The following RIPOR2 variants were observed in gnomAD, a reference collection of about 807,000 sequenced individuals.
The protein encoded by RIPOR2 is rho family-interacting cell polarization regulator 2.
RIPOR2 carries 39 observed loss-of-function variants against 114.5 expected under a neutral mutation model. The observed-to-expected ratio is 0.34, with a 90% CI of 0.26 to 0.44. The LOEUF (loss-of-function observed/expected upper bound fraction) is 0.44. Among genes scored for constraint, RIPOR2 ranks in the 20% least tolerant of loss-of-function variants. RIPOR2 has a pLI of 1.00. For missense variants in RIPOR2, 1,007 were observed against 1,255.1 expected (o/e 0.80, Z 2.99); for synonymous variants, 445 against 484.4 (o/e 0.92, Z 1.07).
chr6:24,896,363 T>C (rs1411263045), intron 1 of RIPOR2, among the ~76,000 whole-genome samples: 1 of 152,226 alleles, frequency 6.6e-6, no homozygotes. Context: ...TTGCTGTTCT[T>C]GTTACAGCGA....
intron 1 of RIPOR2, among the ~76,000 whole-genome samples, chr6:24,879,543 A>G (rs1352855174): frequency 2.6e-5 from 4 of 152,214 alleles, no homozygotes; most frequent in Admixed American, 2.0e-4. Flanking sequence ...CTAAAAGGTG[A>G]CACATGGCCT....
intron 1 of RIPOR2, among the ~76,000 whole-genome samples, chr6:24,886,905 T>G (rs1488526508): frequency 6.6e-6 from 1 of 152,224 alleles, no homozygotes; most frequent in Non-Finnish European, 1.5e-5. Context: ...CCCAAATCAA[T>G]TATTCCTATA....
intron 1 of RIPOR2, among the ~76,000 whole-genome samples, chr6:24,888,817 A>G (rs745919161): frequency 4.6e-5 from 7 of 152,218 alleles, no homozygotes; most frequent in Non-Finnish European, 7.3e-5. Context: ...CCTAACAAGT[A>G]AATTGAATTG....
At chr6:24,890,333 A>G (rs983712336) in intron 1 of RIPOR2, among the ~76,000 whole-genome samples, 2 of 152,240 alleles carry the variant, frequency 1.3e-5, no homozygotes, top group African/African-American at 4.8e-5. Context: ...AAAAAATAAA[A>G]TCATGTCTTT....
intron 1 of RIPOR2, among the ~76,000 whole-genome samples, chr6:25,031,657 TGATA>T (rs1221071994): frequency 1.4e-4 from 18 of 130,192 alleles, no homozygotes; most frequent in Middle Eastern, 4.8e-3. Context: ...ATCAAAGGAT[TGATA>T]GATAGGTATA....
chr6:24,879,177 T>C (rs1766106281), intron 1 of RIPOR2, among the ~76,000 whole-genome samples: 1 of 151,300 alleles, frequency 6.6e-6, no homozygotes, highest in African/African-American at 2.4e-5. Context: ...CCATCTCTAC[T>C]GAAAATACAA....
At chr6:25,014,136 C>T (rs1486339061) in intron 1 of RIPOR2, among the ~76,000 whole-genome samples, 1 of 152,160 alleles carries the variant, frequency 6.6e-6, no homozygotes, top group African/African-American at 2.4e-5. Flanking sequence ...GAATTTTAGG[C>T]CTGGAGCAGA....
At chr6:24,904,900 G>C (rs866875505) in intron 1 of RIPOR2, among the ~76,000 whole-genome samples, 9 of 152,128 alleles carry the variant, frequency 5.9e-5, no homozygotes, top group African/African-American at 2.2e-4. Context: ...TCAGCCTCCT[G>C]AGTAGCTGGG....
Position 24,847,607 on chromosome 6 carries a change from G to A in RIPOR2, c.1164+418C>T, listed in dbSNP as rs866169985. ...GGCAGGTCACTGAAGGAGCGGCTGC[G>A]GTGCAGCTTGGCAAAGAAAGTGTCT... On this transcript the variant is annotated intron_variant, in intron 12 of 21. Transcript: ENST00000643898. 74 of 1,551,522 alleles carry A rather than the reference G, an allele frequency of 4.8e-5. No individual in the cohort carries two copies. The highest frequency in any genetic ancestry group is 5.9e-5 in the Non-Finnish European group (68 of 1,146,972).
intron 1 of RIPOR2, chr6:25,015,442 G>C (rs1368069900): frequency 6.6e-6 from 1 of 152,236 alleles, no homozygotes; most frequent in Non-Finnish European, 1.5e-5. Context: ...GAGGTGAAGG[G>C]AAGAGCAGCA....
chr6:24,838,071 C>G (rs1005841253), intron 14 of RIPOR2, among the ~76,000 whole-genome samples: 2 of 152,102 alleles, frequency 1.3e-5, no homozygotes, highest in South Asian at 2.1e-4. Flanking sequence ...AATTTGGACC[C>G]CAGGCTCTAG....
intron 15 of RIPOR2, among the ~76,000 whole-genome samples, chr6:24,834,707 T>C (rs1182251509): frequency 2.0e-5 from 3 of 152,108 alleles, no homozygotes; most frequent in African/African-American, 4.8e-5. Context: ...CACTGCAACC[T>C]CTGCCTCCTA....
chr6:25,030,419 G>A (rs868244683), intron 1 of RIPOR2, among the ~76,000 whole-genome samples: 1 of 152,128 alleles, frequency 6.6e-6, no homozygotes. Flanking sequence ...GAATTGGGGT[G>A]CCCCAGAACT....
At chr6:24,978,274 T>G (rs1390075989) in intron 1 of RIPOR2, among the ~76,000 whole-genome samples, 1 of 152,128 alleles carries the variant, frequency 6.6e-6, no homozygotes, top group Non-Finnish European at 1.5e-5. Flanking sequence ...ATCCCTTCAC[T>G]TCACTGAGCC....
chr6:24,822,130 A>C (rs1441339251), intron 19 of RIPOR2, among the ~76,000 whole-genome samples: 2 of 152,168 alleles, frequency 1.3e-5, no homozygotes, highest in African/African-American at 4.8e-5. Flanking sequence ...AGAGACAGAG[A>C]AATGGGCAGG....
chr6:24,925,616 C>T (rs1022774535), intron 1 of RIPOR2, among the ~76,000 whole-genome samples: 14 of 151,940 alleles, frequency 9.2e-5, no homozygotes, highest in Admixed American at 6.6e-5. Flanking sequence ...GCAGGAGAAT[C>T]GCTTGAACCC....
At chr6:24,850,868 G>A in intron 9 of RIPOR2, 146 bp from the exon 10 acceptor site, 1 of 905,186 alleles carries the variant, frequency 1.1e-6, no homozygotes, top group Non-Finnish European at 1.7e-6. Flanking sequence ...TCTTGGGTGT[G>A]AATGGAGCTG....
At chr6:24,837,979 T>G (rs1045446406) in intron 14 of RIPOR2, among the ~76,000 whole-genome samples, 3 of 152,242 alleles carry the variant, frequency 2.0e-5, no homozygotes, top group African/African-American at 7.2e-5. Flanking sequence ...ACCCCCATTT[T>G]GGGAAAGTGT....
intron 1 of RIPOR2, chr6:24,876,890 T>A (rs1227861053): frequency 1.2e-6 from 1 of 827,660 alleles, no homozygotes; most frequent in Non-Finnish European, 1.5e-6. Context: ...CCCCAAAGGA[T>A]GACCCTGCAA....
Sources: allele counts gnomAD v4.1 joint callset (sites outside exome capture counted in the v4.1 genomes callset), GRCh38; gene constraint gnomAD v4.1.1; transcripts MANE v1.5; gene names NCBI Gene and HGNC (gene_info 2026-07-23, HGNC 2026-07-21).